The following RBFOX1 variants were observed in gnomAD, a reference collection of about 807,000 sequenced individuals.
RBFOX1 encodes RNA binding protein fox-1 homolog 1.
In RBFOX1, 8 loss-of-function variants were observed where a neutral mutation model predicts 57.7. The ratio of observed to expected loss-of-function variants is 0.14; its 90% CI spans 0.08 to 0.25. The LOEUF (loss-of-function observed/expected upper bound fraction) is 0.25, where lower values mean the gene tolerates loss of function less well. Ranked by LOEUF, RBFOX1 falls within the 10% of genes least tolerant of loss-of-function variation. The probability of loss-of-function intolerance (pLI) is 1.00; values close to 1 mark genes in which losing one functional copy is unlikely to be tolerated. For missense variants in RBFOX1, 611 were observed against 548.5 expected (o/e 1.11, Z -1.14); for synonymous variants, 326 against 222.4 (o/e 1.47, Z -4.15).
intron 1 of RBFOX1, among the ~76,000 whole-genome samples, chr16:6,062,282 C>G (rs893783450): frequency 7.1e-6 from 1 of 139,868 alleles, no homozygotes; most frequent in Non-Finnish European, 1.5e-5. Context: ...GTGATCAACT[C>G]CATCTTTAGC....
intron 4 of RBFOX1, among the ~76,000 whole-genome samples, chr16:5,997,258 A>G (rs1396699510): frequency 6.6e-6 from 1 of 152,206 alleles, no homozygotes; most frequent in Non-Finnish European, 1.5e-5. Context: ...CAGAATGAAG[A>G]TGTTGGAGCC....
chr16:6,286,319 G>A (rs961759677), intron 1 of RBFOX1, among the ~76,000 whole-genome samples: 6 of 152,142 alleles, frequency 3.9e-5, no homozygotes, highest in African/African-American at 9.6e-5. Context: ...ATGCAGTGTC[G>A]ATAACTTGGG....
At chr16:7,139,644 G>T (rs925818471) in intron 4 of RBFOX1, among the ~76,000 whole-genome samples, 1 of 152,256 alleles carries the variant, frequency 6.6e-6, no homozygotes, top group Non-Finnish European at 1.5e-5. Context: ...ACCCTCGACA[G>T]TTTCAGTTTT....
chr16:7,561,725 A>T lies in RBFOX1; in HGVS notation c.271-18052A>T, dbSNP rs574118678. Among the ~76,000 whole-genome samples, 4 of 152,358 alleles carry T rather than the reference A, an allele frequency of 2.6e-5. 1 individual carries two copies. In the Middle Eastern group the frequency reaches 0.014, roughly 518 times the overall value. ...AAAGAAAGAAGTAATTAGCCAGGAA[A>T]ACCCAGGGATGTTCAGGGAGATCAG... is the stretch of plus-strand genomic sequence containing the variant. On this transcript the variant is annotated intron_variant, in intron 5 of 15. Coordinates refer to ENST00000550418, the MANE Select transcript of RBFOX1 (RefSeq NM_018723.4).
chr16:7,293,867 G>T (rs2095841611), intron 4 of RBFOX1, among the ~76,000 whole-genome samples: 1 of 152,118 alleles, frequency 6.6e-6, no homozygotes, highest in Non-Finnish European at 1.5e-5. Context: ...AATTCCTGGG[G>T]TGTCTTTGAC....
At chr16:7,349,764 A>G (rs911318506) in intron 4 of RBFOX1, among the ~76,000 whole-genome samples, 1 of 152,182 alleles carries the variant, frequency 6.6e-6, no homozygotes, top group Admixed American at 6.6e-5. Flanking sequence ...AGGTGTGAGT[A>G]AGACCACTTA....
chr16:7,249,144 C>T (rs1455974703), intron 4 of RBFOX1, among the ~76,000 whole-genome samples: 1 of 152,192 alleles, frequency 6.6e-6, no homozygotes, highest in African/African-American at 2.4e-5. Flanking sequence ...CTGAAAGGAA[C>T]AGAAAGCTGG....
chr16:6,838,053 C>A (rs1483024858), intron 3 of RBFOX1, among the ~76,000 whole-genome samples: 2 of 151,404 alleles, frequency 1.3e-5, no homozygotes, highest in East Asian at 1.9e-4. Flanking sequence ...GATGCATGTG[C>A]AGAACATGCA....
chr16:6,835,557 G>C (rs1003022948), intron 3 of RBFOX1, among the ~76,000 whole-genome samples: 23 of 151,678 alleles, frequency 1.5e-4, no homozygotes, highest in African/African-American at 4.1e-4. Flanking sequence ...TTTGAGACCA[G>C]CCTGGTCAAC....
intron 3 of RBFOX1, among the ~76,000 whole-genome samples, chr16:5,784,343 C>T (rs374747541): frequency 3.9e-5 from 6 of 151,986 alleles, no homozygotes; most frequent in Non-Finnish European, 7.4e-5. Context: ...AGGAGAATGG[C>T]GTGAACCCAG....
chr16:6,588,680 C>A (rs578152228), intron 2 of RBFOX1, among the ~76,000 whole-genome samples: 1 of 152,234 alleles, frequency 6.6e-6, no homozygotes, highest in African/African-American at 2.4e-5. Context: ...ATGCACCTTC[C>A]TCCCTGCATT....
intron 4 of RBFOX1, among the ~76,000 whole-genome samples, chr16:7,142,310 C>T (rs1202553544): frequency 6.6e-6 from 1 of 152,160 alleles, no homozygotes; most frequent in East Asian, 1.9e-4. Flanking sequence ...GGACATGAGC[C>T]ACCACACCTA....
chr16:6,679,171 T>G (rs1304383359), intron 3 of RBFOX1, among the ~76,000 whole-genome samples: 1 of 152,084 alleles, frequency 6.6e-6, no homozygotes, highest in Non-Finnish European at 1.5e-5. Flanking sequence ...ACCCATTCAG[T>G]CTGAGTCTCC....
At chr16:7,229,247 A>G (rs967216798) in intron 4 of RBFOX1, among the ~76,000 whole-genome samples, 2 of 152,210 alleles carry the variant, frequency 1.3e-5, no homozygotes, top group Non-Finnish European at 2.9e-5. Context: ...TCTGCAAGAC[A>G]CTGAAGTATT....
intron 4 of RBFOX1, among the ~76,000 whole-genome samples, chr16:7,399,791 C>T (rs76489807): frequency 6.6e-6 from 1 of 152,156 alleles, no homozygotes; most frequent in Non-Finnish European, 1.5e-5. Flanking sequence ...AGGTCATAGT[C>T]ACAGGCACGA....
chr16:7,703,812 A>G (rs1019656726), intron 14 of RBFOX1, among the ~76,000 whole-genome samples: 2 of 152,236 alleles, frequency 1.3e-5, no homozygotes, highest in African/African-American at 4.8e-5. Context: ...CATTTGAACT[A>G]CATCTGTAAC....
At chr16:6,880,754 C>T (rs372884513) in intron 3 of RBFOX1, among the ~76,000 whole-genome samples, 21 of 152,122 alleles carry the variant, frequency 1.4e-4, no homozygotes, top group Middle Eastern at 6.8e-3. Context: ...TATTTGATTG[C>T]GTTGTATTAA....
chr16:5,984,964 ATATATATATATATTTTTT>A (rs963882430), intron 4 of RBFOX1, among the ~76,000 whole-genome samples: 1 of 42,044 alleles, frequency 2.4e-5, no homozygotes, highest in African/African-American at 9.0e-5. Flanking sequence ...ATATATATAT[ATATATATATATATTTTTT>A]TTTTTTTTTT....
At position 5,615,641 on chromosome 16, in the gene RBFOX1, C is replaced by T. The variant is rs1366971756; in HGVS notation, c.318+16680C>T. On this transcript the variant is annotated intron_variant, in intron 3 of 19. Transcript: ENST00000641259. ...GTCTTGTCATCTGCAAAATGGAGGC[C>T]ATCCTATCTTGCTGGTCAGCCACTT... is the stretch of plus-strand genomic sequence containing the variant. Among the ~76,000 whole-genome samples, 7 of 152,284 alleles carry T rather than the reference C, an allele frequency of 4.6e-5. No individual in the cohort carries two copies. The East Asian group carries it at 1.4e-3, about 29-fold the overall frequency.
Sources: allele counts gnomAD v4.1 joint callset (sites outside exome capture counted in the v4.1 genomes callset), GRCh38; gene constraint gnomAD v4.1.1; transcripts MANE v1.5; gene names NCBI Gene and HGNC (gene_info 2026-07-23, HGNC 2026-07-21).